LITAF: variants seen among roughly 807,000 people sequenced by gnomAD.
LITAF encodes the protein lipopolysaccharide induced TNF factor, also known as lipopolysaccharide-induced tumor necrosis factor-alpha factor.
Under a neutral mutation model 14.5 loss-of-function variants are expected in LITAF, and 9 were observed. That is an observed-to-expected ratio of 0.62 (90% CI 0.37 to 1.08). The LOEUF (loss-of-function observed/expected upper bound fraction) is 1.08. LITAF is among the 50% of genes least tolerant of loss of function. The probability of loss-of-function intolerance (pLI) is 0.01; values close to 1 mark genes in which losing one functional copy is unlikely to be tolerated. For synonymous variants in LITAF, 98 were observed against 88.2 expected (o/e 1.11, Z -0.62); for missense variants, 206 against 213.4 (o/e 0.97, Z 0.22).
chr16:11,582,962 G>A (rs1427937563), intron 1 of LITAF, among the ~76,000 whole-genome samples: 2 of 152,148 alleles, frequency 1.3e-5, no homozygotes, highest in African/African-American at 2.4e-5. Flanking sequence ...AATTTAACCT[G>A]TCTATCATTC....
intron 1 of LITAF, among the ~76,000 whole-genome samples, chr16:11,592,854 G>A (rs889914582): frequency 1.3e-5 from 2 of 151,898 alleles, no homozygotes; most frequent in African/African-American, 4.8e-5. Context: ...TGGCCTATGT[G>A]GCGAAACCCC....
In LITAF at chr16:11,605,904, A is replaced by G. The variant is rs1490565550; in HGVS notation, c.85+27629T>C. 6.6e-6 allele frequency among the ~76,000 whole-genome samples: 1 copy of G among 152,176 alleles called. No homozygotes were observed. Among genetic ancestry groups the G allele is most frequent in the African/African-American group, 2.4e-5 (1 of 41,420 alleles). ...TATCAATAGCTGCCTCTTTAGGATC[A>G]AGACCAACCTCTCCCACGGCCTGCG... On this transcript the variant is annotated intron_variant, in intron 3 of 3. Coordinates refer to the LITAF transcript ENST00000574848. This position sits in a 1 kb window ranked among gnomAD's most constrained non-coding sequence, Gnocchi z 4.7.
chr16:11,583,061 C>T (rs2064763032), intron 1 of LITAF, among the ~76,000 whole-genome samples: 1 of 152,168 alleles, frequency 6.6e-6, no homozygotes, highest in Non-Finnish European at 1.5e-5. Context: ...ACCTCCAGCT[C>T]TTTGGGAAAG....
chr16:11,582,319 G>GAAAAA (rs35892278), intron 1 of LITAF, among the ~76,000 whole-genome samples: 3 of 100,094 alleles, frequency 3.0e-5, no homozygotes, highest in Admixed American at 1.1e-4. Context: ...ACTCACAACG[G>GAAAAA]AAAAAAAAAA....
upstream of LITAF, among the ~76,000 whole-genome samples, chr16:11,599,228 C>T (rs560504891): frequency 2.6e-5 from 4 of 152,196 alleles, no homozygotes; most frequent in African/African-American, 9.6e-5. Context: ...CAGCGATTCT[C>T]CTGCCTCAGC....
chr16:11,572,105 T>TAAAC (rs935044834), intron 1 of LITAF, among the ~76,000 whole-genome samples: 3 of 151,800 alleles, frequency 2.0e-5, no homozygotes, highest in East Asian at 3.9e-4. Flanking sequence ...AATAAATAAA[T>TAAAC]AAACAAACAA....
At chr16:11,581,905 G>C (rs1452838605) in intron 1 of LITAF, among the ~76,000 whole-genome samples, 6 of 152,074 alleles carry the variant, frequency 3.9e-5, no homozygotes, top group Non-Finnish European at 7.4e-5. Flanking sequence ...CAGAAGTAGA[G>C]AAAAGAACTG....
At chr16:11,562,181 A>G (rs2064377522) in intron 1 of LITAF, among the ~76,000 whole-genome samples, 1 of 151,814 alleles carries the variant, frequency 6.6e-6, no homozygotes, top group African/African-American at 2.4e-5. Flanking sequence ...TCAGCCTCTC[A>G]AAGTGCTGGG....
chr16:11,582,083 A>G (rs2064746299), intron 1 of LITAF, among the ~76,000 whole-genome samples: 2 of 152,192 alleles, frequency 1.3e-5, no homozygotes, highest in Admixed American at 1.3e-4. Flanking sequence ...GCTAGAAGAG[A>G]GAATTCTGAA....
rs1250081510 is a variant in LITAF at position 11,553,357 on chromosome 16, G to A, written c.377+176C>T. 5 of 669,414 alleles carry A rather than the reference G, an allele frequency of 7.5e-6. No individual in the cohort carries two copies. Among genetic ancestry groups the A allele is most frequent in the Non-Finnish European group, 1.3e-5 (5 of 386,672 alleles). The allele number at this position is 669,414 out of a possible 1,614,324, so 41.5% of individuals were successfully genotyped here. The stretch of plus-strand genomic sequence containing the variant: ...ACCTGAGCAGTGGGGGTTACAGTGA[G>A]CCGAGATCGCCCCACTGTACTCCAG... On this transcript the variant is annotated intron_variant, in intron 3 of 3. Transcript: ENST00000622633. This position sits in a 1 kb window ranked among gnomAD's most constrained non-coding sequence, Gnocchi z 7.7.
At position 11,635,481 on chromosome 16, in the gene LITAF, C is replaced by G. The variant is rs1168940917; in HGVS notation, c.-21+344G>C. On this transcript the variant is annotated intron_variant, in intron 2 of 3. Coordinates refer to the LITAF transcript ENST00000574848. ...TGGGAGTGGCCATGGGGACAAGAAGCCTTCCACGTCCTTCAACAGGCTCCT... is the reference window on the plus strand; with the variant it reads ...TGGGAGTGGCCATGGGGACAAGAAGGCTTCCACGTCCTTCAACAGGCTCCT... 3.9e-5 allele frequency among the ~76,000 whole-genome samples: 6 copies of G among 152,298 alleles called. No homozygotes were observed. The East Asian group carries it at 9.7e-4, about 25-fold the overall frequency.
At chr16:11,627,020 T>C (rs1325628605) in intron 3 of LITAF, among the ~76,000 whole-genome samples, 2 of 152,032 alleles carry the variant, frequency 1.3e-5, no homozygotes, top group African/African-American at 2.4e-5. Flanking sequence ...ACAAGCTTCT[T>C]CCAGTCTGAT....
intron 3 of LITAF, among the ~76,000 whole-genome samples, chr16:11,617,173 T>C (rs1183785367): frequency 6.6e-6 from 1 of 151,686 alleles, no homozygotes; most frequent in Non-Finnish European, 1.5e-5. Flanking sequence ...TGAGCCGAGC[T>C]CACACGAATA....
intron 1 of LITAF, among the ~76,000 whole-genome samples, chr16:11,564,179 T>C (rs563735798): frequency 2.3e-4 from 35 of 152,154 alleles, no homozygotes; most frequent in African/African-American, 8.2e-4. Flanking sequence ...CAAAATGCTA[T>C]GGTTACAGGT....
At chr16:11,624,270 T>C (rs1181790576) in intron 3 of LITAF, among the ~76,000 whole-genome samples, 1 of 152,144 alleles carries the variant, frequency 6.6e-6, no homozygotes, top group Admixed American at 6.6e-5. Flanking sequence ...CCCAACCAAC[T>C]AAACATTTTT....
chr16:11,564,200 G>A (rs372660307), intron 1 of LITAF, among the ~76,000 whole-genome samples: 62 of 152,104 alleles, frequency 4.1e-4, no homozygotes, highest in Non-Finnish European at 8.7e-4. Flanking sequence ...GTGAGCCACC[G>A]CGCCCGGCCT....
chr16:11,581,744 A>G (rs2064739628), intron 1 of LITAF, among the ~76,000 whole-genome samples: 2 of 152,332 alleles, frequency 1.3e-5, no homozygotes, highest in African/African-American at 2.4e-5. Context: ...AAATAAAAAG[A>G]TACCTAGAAT....
chr16:11,594,208 A>G (rs1204406508), intron 1 of LITAF, among the ~76,000 whole-genome samples: 1 of 151,876 alleles, frequency 6.6e-6, no homozygotes, highest in Non-Finnish European at 1.5e-5. Flanking sequence ...AAATTCTAGA[A>G]CTAGATACTG....
intron 3 of LITAF, among the ~76,000 whole-genome samples, chr16:11,626,712 T>C (rs1245989729): frequency 6.6e-6 from 1 of 152,164 alleles, no homozygotes; most frequent in Non-Finnish European, 1.5e-5. Flanking sequence ...CCTCAGGTGA[T>C]CCGCCCACCT....
Sources: gnomAD v4.1 joint callset for allele counts (sites outside exome capture counted in the v4.1 genomes callset) on GRCh38, gnomAD v4.1.1 for gene constraint, Gnocchi (gnomAD v3.1) non-coding constraint, MANE v1.5 for transcripts, NCBI Gene and HGNC (gene_info 2026-07-23, HGNC 2026-07-21) for gene names.